The following DCC variants were observed in gnomAD, a reference collection of about 807,000 sequenced individuals.
DCC encodes the protein DCC netrin 1 receptor.
In DCC, 58 loss-of-function variants were observed where a neutral mutation model predicts 172.5. That is an observed-to-expected ratio of 0.34 (90% confidence interval 0.27 to 0.42). DCC has a LOEUF of 0.42. Ranked by LOEUF, DCC falls within the 10% of genes least tolerant of loss-of-function variation. The pLI is 1.00. For missense variants in DCC, 1,740 were observed against 1,791.0 expected (o/e 0.97, Z 0.51); for synonymous variants, 709 against 644.5 (o/e 1.10, Z -1.52).
Position 53,467,939 on chromosome 18 carries a change from G to A in DCC, c.3665G>A (p.Arg1222Lys). 1 of 1,613,148 alleles carries A rather than the reference G, an allele frequency of 6.2e-7. No individual in the cohort carries two copies. The highest frequency in any genetic ancestry group is 8.5e-7 in the Non-Finnish European group (1 of 1,179,198). Residue 1222 changes from arginine to lysine, a missense_variant, in exon 25 of 29, where the codon AGG (arginine) becomes AAG (lysine). Around this residue, in one of 2 missense-constraint regions of DCC, gnomAD observed 1,732 missense variants for 1,767.4 expected, o/e 0.98. Coordinates refer to ENST00000442544, the MANE Select transcript of DCC (RefSeq NM_005215.4). ...GGGAGCTCTATGTCCACTCTGGAGAGGTCGCTGGCTGCACGCCGAGCCCCC... is the reference window on the plus strand; with the variant it reads ...GGGAGCTCTATGTCCACTCTGGAGAAGTCGCTGGCTGCACGCCGAGCCCCC... ...EAGSSMSTLE[R>K]SLAARRAPRA...
At chr18:52,443,796 G>T (rs534122431) in intron 1 of DCC, among the ~76,000 whole-genome samples, 1 of 152,162 alleles carries the variant, frequency 6.6e-6, no homozygotes, top group Non-Finnish European at 1.5e-5. Context: ...GATATTTAAA[G>T]ATTGTAAATG....
chr18:53,403,572 C>T (rs557319368), intron 19 of DCC, among the ~76,000 whole-genome samples: 6 of 152,168 alleles, frequency 3.9e-5, no homozygotes, highest in Admixed American at 3.3e-4. Context: ...TAAATGATCA[C>T]TTTAGGCTTT....
chr18:52,423,204 T>C (rs1342557171), intron 1 of DCC, among the ~76,000 whole-genome samples: 1 of 152,134 alleles, frequency 6.6e-6, no homozygotes, highest in Non-Finnish European at 1.5e-5. Context: ...ACAATCCTCA[T>C]TGAAAAAGGC....
chr18:53,056,824 C>G (rs1044345897), intron 5 of DCC, among the ~76,000 whole-genome samples: 3 of 151,788 alleles, frequency 2.0e-5, no homozygotes, highest in Admixed American at 6.6e-5. Context: ...TGGTTTTTTA[C>G]TCAGTTTGTG....
intron 13 of DCC, among the ~76,000 whole-genome samples, chr18:53,317,626 G>A (rs549401665): frequency 1.3e-5 from 2 of 152,184 alleles, no homozygotes; most frequent in Admixed American, 6.5e-5. Context: ...TTTTTGGTTG[G>A]TAGGCTATTT....
intron 27 of DCC, among the ~76,000 whole-genome samples, chr18:53,514,954 C>T (rs1268786373): frequency 6.6e-6 from 1 of 150,874 alleles, no homozygotes. Context: ...TTTTATGAGG[C>T]CAGCATCATT....
chr18:52,452,012 C>A (rs896246538), intron 1 of DCC, among the ~76,000 whole-genome samples: 2 of 152,140 alleles, frequency 1.3e-5, no homozygotes, highest in African/African-American at 4.8e-5. Context: ...TGTTGATTAT[C>A]CTGTGTTTTA....
intron 1 of DCC, among the ~76,000 whole-genome samples, chr18:52,353,325 C>A (rs1984211318): frequency 6.6e-6 from 1 of 152,120 alleles, no homozygotes; most frequent in Admixed American, 6.5e-5. Context: ...GGTTTTCATT[C>A]CATAGTTTCC....
At chr18:53,402,619 G>T (rs1909381566) in intron 18 of DCC, among the ~76,000 whole-genome samples, 167 bp from the exon 19 acceptor site, 1 of 151,924 alleles carries the variant, frequency 6.6e-6, no homozygotes, top group Non-Finnish European at 1.5e-5. Context: ...ATTAATTTTT[G>T]TATCCTTGTT....
intron 12 of DCC, among the ~76,000 whole-genome samples, chr18:53,252,067 A>G (rs2056442552): frequency 1.3e-5 from 2 of 151,968 alleles, no homozygotes; most frequent in Admixed American, 1.3e-4. Flanking sequence ...TATTTTTAAC[A>G]TAAAATCAAT....
chr18:52,871,381 A>G (rs1003642518), intron 2 of DCC, among the ~76,000 whole-genome samples: 2 of 152,054 alleles, frequency 1.3e-5, no homozygotes, highest in African/African-American at 4.8e-5. Flanking sequence ...TCAGAACTGC[A>G]AAACTGAACA....
chr18:52,833,684 GGT>G, intron 2 of DCC, among the ~76,000 whole-genome samples: 1 of 152,278 alleles, frequency 6.6e-6, no homozygotes, highest in Non-Finnish European at 1.5e-5. Flanking sequence ...TGGGATATGA[GGT>G]GAAATGGACT....
intron 1 of DCC, among the ~76,000 whole-genome samples, chr18:52,361,797 A>G (rs1245721190): frequency 6.6e-6 from 1 of 152,226 alleles, no homozygotes; most frequent in Non-Finnish European, 1.5e-5. Context: ...AATTGCTACC[A>G]TATTCTAAGA....
intron 9 of DCC, among the ~76,000 whole-genome samples, chr18:53,203,199 T>C (rs980365819): frequency 3.1e-5 from 2 of 64,386 alleles, no homozygotes; most frequent in East Asian, 2.9e-4. Flanking sequence ...ATATAGATTC[T>C]CTTGTGTGTG....
At chr18:52,575,560 A>G (rs931776750) in intron 1 of DCC, among the ~76,000 whole-genome samples, 8 of 152,128 alleles carry the variant, frequency 5.3e-5, no homozygotes, top group Non-Finnish European at 8.8e-5. Flanking sequence ...ACTAAACATG[A>G]TTTCCTACCA....
At chr18:52,357,366 T>C (rs759027907) in intron 1 of DCC, among the ~76,000 whole-genome samples, 2 of 152,038 alleles carry the variant, frequency 1.3e-5, no homozygotes, top group African/African-American at 2.4e-5. Context: ...AGATAGAGTA[T>C]GTCAAAGGGA....
chr18:52,507,002 A>G (rs925465224), intron 1 of DCC, among the ~76,000 whole-genome samples: 2 of 152,172 alleles, frequency 1.3e-5, no homozygotes, highest in African/African-American at 2.4e-5. Flanking sequence ...AAAAGTTTCT[A>G]AAAGAGAGCT....
intron 12 of DCC, among the ~76,000 whole-genome samples, chr18:53,299,250 T>C (rs1504742): frequency 0.15 from 22,573 of 152,160 alleles, 2,278 homozygotes; most frequent in African/African-American, 0.28. Context: ...TTTTATCTCC[T>C]AAATAACTTA....
chr18:53,393,783 ATTACTGAAT>A (rs1457456904), intron 17 of DCC, among the ~76,000 whole-genome samples: 2 of 152,172 alleles, frequency 1.3e-5, no homozygotes, highest in Non-Finnish European at 2.9e-5. Context: ...CAGACATGGA[ATTACTGAAT>A]CTCACAAAGA....
Sources: allele counts gnomAD v4.1 joint callset (sites outside exome capture counted in the v4.1 genomes callset), GRCh38; gene constraint gnomAD v4.1.1; regional missense constraint gnomAD v4.1.1; transcripts MANE v1.5; gene names NCBI Gene and HGNC (gene_info 2026-07-23, HGNC 2026-07-21).